RASA3: variants seen among roughly 807,000 people sequenced by gnomAD.
RASA3 encodes RAS p21 protein activator 3, also known as ras GTPase-activating protein 3.
In RASA3, 73 loss-of-function variants were observed where a neutral mutation model predicts 110.0. That is an observed-to-expected ratio of 0.66 (90% CI 0.55 to 0.81). The LOEUF (loss-of-function observed/expected upper bound fraction) is 0.81. Ranked by LOEUF, RASA3 falls within the 30% of genes least tolerant of loss-of-function variation. RASA3 has a pLI of 0.00. For missense variants in RASA3, 976 were observed against 1,113.2 expected, an observed-to-expected ratio of 0.88 and a Z score of 1.75; for synonymous variants, 500 against 451.4, an observed-to-expected ratio of 1.11 and a Z score of -1.37.
chr13:113,980,267 G>A (rs989715451), intron 23 of RASA3, among the ~76,000 whole-genome samples: 11 of 142,794 alleles, frequency 7.7e-5, no homozygotes, highest in East Asian at 6.2e-4. Context: ...TCCCACATGT[G>A]CGCACCTCCT....
At chr13:114,069,317 C>A (rs1272150451) in intron 2 of RASA3, among the ~76,000 whole-genome samples, 1 of 151,740 alleles carries the variant, frequency 6.6e-6, no homozygotes, top group Non-Finnish European at 1.5e-5. Context: ...CACCCTGGGG[C>A]CCTTCTGAGC....
intron 2 of RASA3, among the ~76,000 whole-genome samples, chr13:114,052,845 G>A (rs867131160): frequency 1.3e-5 from 1 of 79,266 alleles, no homozygotes; most frequent in Admixed American, 1.5e-4. Context: ...CTGACTGTGC[G>A]TAGAGTCCTC....
At chr13:113,994,060 T>C (rs1208361569) in intron 21 of RASA3, among the ~76,000 whole-genome samples, 1 of 152,358 alleles carries the variant, frequency 6.6e-6, no homozygotes, top group Middle Eastern at 3.4e-3. Context: ...TTATTATAGC[T>C]AAAACAATTC....
At chr13:114,087,737 C>G (rs2079840598) in intron 1 of RASA3, among the ~76,000 whole-genome samples, 1 of 152,360 alleles carries the variant, frequency 6.6e-6, no homozygotes, top group South Asian at 2.1e-4. Context: ...ATTTCAGTGA[C>G]AGATAACTTC....
intron 4 of RASA3, among the ~76,000 whole-genome samples, chr13:114,030,519 G>GGGC (rs1566502030): frequency 2.5e-5 from 3 of 118,308 alleles, no homozygotes; most frequent in African/African-American, 9.1e-5. Flanking sequence ...CTCACACAGA[G>GGGC]AGCAAGACTC....
intron 4 of RASA3, among the ~76,000 whole-genome samples, chr13:114,030,517 GAGAGCAAGACTCACACAGAGGGCAAGA>G (rs1566502018): frequency 3.4e-5 from 4 of 118,866 alleles, no homozygotes; most frequent in African/African-American, 1.2e-4. Flanking sequence ...GACTCACACA[GAGAGCAAGACTCACACAGAGGGCAAGA>G]CTCACACAGA....
At position 114,000,938 on chromosome 13, in the gene RASA3, TGAAGA is replaced by T; in HGVS notation, c.1743-11_1743-7del. The stretch of plus-strand genomic sequence containing the variant: ...GGGCCCTCTTGATCATGAACCTGTG[TGAAGA>T]GCACACAGGGCCGGGGTCCGGGCCT... On this transcript the variant is annotated splice_region_variant and splice_polypyrimidine_tract_variant and intron_variant, in intron 18 of 23. Transcript: ENST00000334062. 1 of 1,602,006 alleles carries T rather than the reference TGAAGA, an allele frequency of 6.2e-7. No individual in the cohort carries two copies. Among genetic ancestry groups the T allele is most frequent in the Non-Finnish European group, 8.6e-7 (1 of 1,169,222 alleles).
At chr13:114,052,224 C>T (rs938549235) in intron 2 of RASA3, 69 bp from the exon 3 acceptor site, 2 of 1,046,266 alleles carry the variant, frequency 1.9e-6, no homozygotes, top group African/African-American at 1.6e-5. Context: ...GGGGCACACA[C>T]GTGTGGTCTT....
chr13:114,013,655 T>A, intron 14 of RASA3, among the ~76,000 whole-genome samples: 1 of 145,362 alleles, frequency 6.9e-6, no homozygotes, highest in African/African-American at 2.6e-5. Context: ...TTTGTCTCTC[T>A]CCCTCTTTGT....
chr13:114,017,702 C>A (rs148157212), intron 11 of RASA3, among the ~76,000 whole-genome samples: 1 of 152,238 alleles, frequency 6.6e-6, no homozygotes, highest in Non-Finnish European at 1.5e-5. Context: ...AGCAGAGAAG[C>A]AAACCCTCCT....
chr13:114,038,055 A>G (rs939633899), intron 4 of RASA3, among the ~76,000 whole-genome samples: 1 of 151,608 alleles, frequency 6.6e-6, no homozygotes, highest in South Asian at 2.1e-4. Flanking sequence ...ATAGATCTAT[A>G]ACCATTTCAA....
In RASA3 at chr13:114,065,642, G is replaced by C. The variant is rs1047962893; in HGVS notation, c.173+8078C>G. Reference sequence around the variant, plus strand: ...GGGCCACACAGCCCTGGCTCCCACAGACCGCAGGCTGGAGAATGGGGGTCC... The same window carrying C: ...GGGCCACACAGCCCTGGCTCCCACACACCGCAGGCTGGAGAATGGGGGTCC... On this transcript the variant is annotated intron_variant, in intron 2 of 23. Coordinates refer to ENST00000334062, the MANE Select transcript of RASA3 (RefSeq NM_007368.4). The surrounding 1 kb of genome is among the most constrained non-coding windows in gnomAD (Gnocchi z 4.1). Among the ~76,000 whole-genome samples, 2 of 152,160 alleles carry C rather than the reference G, an allele frequency of 1.3e-5. No individual in the cohort carries two copies. Among genetic ancestry groups the C allele is most frequent in the African/African-American group, 4.8e-5 (2 of 41,420 alleles).
Position 114,057,622 on chromosome 13 carries a change from G to A in RASA3, c.174-5467C>T, listed in dbSNP as rs992971912. On this transcript the variant is annotated intron_variant, in intron 2 of 23. Transcript: ENST00000334062. The surrounding 1 kb of genome is among the most constrained non-coding windows in gnomAD (Gnocchi z 5.0). ...TGCACAGAGCCAGCCTGACACCCAA[G>A]GCCACGATGCCATAGCCAGGGAGCC... 1.5e-6 allele frequency: 1 copy of A among 649,296 alleles called. No individual in the cohort carries two copies. Among genetic ancestry groups the A allele is most frequent in the Non-Finnish European group, 1.9e-6 (1 of 523,450 alleles). The allele number at this position is 649,296 out of a possible 1,614,324, so 40.2% of individuals were successfully genotyped here.
chr13:113,988,997 C>T (rs542607934), intron 22 of RASA3, among the ~76,000 whole-genome samples: 4 of 149,346 alleles, frequency 2.7e-5, no homozygotes, highest in East Asian at 4.1e-4. Flanking sequence ...ACTCACCCAT[C>T]GGCCCATCCA....
chr13:114,032,461 C>T (rs1047424817), intron 4 of RASA3, among the ~76,000 whole-genome samples: 6 of 152,148 alleles, frequency 3.9e-5, no homozygotes, highest in Non-Finnish European at 5.9e-5. Context: ...GCCACAACCT[C>T]AGCCTCCCCA....
intron 2 of RASA3, among the ~76,000 whole-genome samples, chr13:114,055,024 A>T (rs1450271927): frequency 6.6e-6 from 1 of 150,900 alleles, no homozygotes; most frequent in Non-Finnish European, 1.5e-5. Flanking sequence ...GCCCACAGGC[A>T]TGTGTGTGGG....
intron 19 of RASA3, among the ~76,000 whole-genome samples, chr13:114,000,581 C>T (rs2053371822): frequency 6.6e-6 from 1 of 152,234 alleles, no homozygotes. Context: ...ATGTGGTCAG[C>T]TCTGCGTTTA....
chr13:114,127,468 A>G (rs1009538461), intron 1 of RASA3, among the ~76,000 whole-genome samples: 1 of 152,080 alleles, frequency 6.6e-6, no homozygotes, highest in Non-Finnish European at 1.5e-5. Context: ...GCCACTGTCC[A>G]CCCACACAGA....
intron 18 of RASA3, among the ~76,000 whole-genome samples, 183 bp from the exon 19 acceptor site, chr13:114,001,115 T>G (rs1036951442): frequency 6.6e-6 from 1 of 152,190 alleles, no homozygotes; most frequent in Non-Finnish European, 1.5e-5. Context: ...CTTTGAAAAG[T>G]TGAGCGCTGA....
Sources: allele counts gnomAD v4.1 joint callset (sites outside exome capture counted in the v4.1 genomes callset), GRCh38; gene constraint gnomAD v4.1.1; non-coding constraint Gnocchi (gnomAD v3.1); transcripts MANE v1.5; gene names NCBI Gene and HGNC (gene_info 2026-07-23, HGNC 2026-07-21).